Variants in MARK1 observed in about 807,000 individuals in gnomAD.
MARK1 encodes the protein microtubule affinity regulating kinase 1, also known as serine/threonine-protein kinase MARK1.
A neutral mutation model predicts 96.3 loss-of-function variants in MARK1; 40 were observed. The observed-to-expected ratio is 0.42, with a 90% CI of 0.32 to 0.54. The LOEUF (loss-of-function observed/expected upper bound fraction) is 0.54. Among genes scored for constraint, MARK1 ranks in the 20% least tolerant of loss-of-function variants. MARK1 has a pLI of 0.16. For missense variants in MARK1, 719 were observed against 984.6 expected (o/e 0.73, Z 3.61); for synonymous variants, 317 against 341.2 (o/e 0.93, Z 0.78).
chr1:220,532,985 G>A (rs1401711165), intron 1 of MARK1, among the ~76,000 whole-genome samples: 4 of 146,680 alleles, frequency 2.7e-5, no homozygotes, highest in South Asian at 2.3e-4. Flanking sequence ...ACTCCAGCCC[G>A]GGTGACAGAG....
intron 14 of MARK1, among the ~76,000 whole-genome samples, chr1:220,651,478 A>G (rs1668870239): frequency 6.6e-6 from 1 of 152,210 alleles, no homozygotes; most frequent in Non-Finnish European, 1.5e-5. Context: ...TTCCTATACT[A>G]AATTTTAATC....
chr1:220,650,795 C>T, intron 14 of MARK1, 75 bp downstream of exon 14: 1 of 1,001,704 alleles, frequency 1.0e-6, no homozygotes, highest in Non-Finnish European at 1.6e-6. Flanking sequence ...ATGCCTGCAG[C>T]CGAATGGGTC....
intron 3 of MARK1, among the ~76,000 whole-genome samples, chr1:220,596,728 A>C (rs953919708): frequency 1.3e-5 from 2 of 152,154 alleles, no homozygotes; most frequent in African/African-American, 4.8e-5. Context: ...AAAACTTACC[A>C]TTTTAACCAT....
intron 9 of MARK1, chr1:220,627,433 G>T: frequency 2.1e-6 from 1 of 476,136 alleles, no homozygotes; most frequent in Middle Eastern, 4.0e-4. Context: ...TCAAGGAGGA[G>T]GTCAGGTTGG....
Position 220,662,110 on chromosome 1 carries a change from A to G in MARK1, c.2332A>G (p.Thr778Ala). Residue 778 changes from threonine (T) to alanine (A), a missense_variant, in exon 18 of 18, where the codon ACA becomes GCA. Physicochemically the swap from Thr to Ala is moderately conservative, Grantham distance 58 (BLOSUM62 0). Around this residue, in one of 4 missense-constraint regions of MARK1, gnomAD observed 17 missense variants for 49.7 expected, o/e 0.34. Coordinates refer to ENST00000366917, the MANE Select transcript of MARK1 (RefSeq NM_018650.5). ...NGVRFKRISGTSIAFKNIASK... is the reference protein window; with the variant it reads ...NGVRFKRISGASIAFKNIASK... ...GGTTCGCTTCAAGCGAATATCTGGGACATCTATTGCCTTTAAGAACATTGC... is the reference window on the plus strand; with the variant it reads ...GGTTCGCTTCAAGCGAATATCTGGGGCATCTATTGCCTTTAAGAACATTGC... The G allele has an allele frequency of 6.2e-7, 1 of 1,614,122 alleles. No individual in the cohort carries two copies. Among genetic ancestry groups the G allele is most frequent in the Non-Finnish European group, 8.5e-7 (1 of 1,180,032 alleles).
At chr1:220,622,082 G>GT (rs1276681116) in intron 9 of MARK1, among the ~76,000 whole-genome samples, 1 of 152,102 alleles carries the variant, frequency 6.6e-6, no homozygotes, top group African/African-American at 2.4e-5. Flanking sequence ...ACTTCCATGT[G>GT]TTATACTGTC....
intron 9 of MARK1, chr1:220,626,984 G>A (rs1360149724): frequency 1.9e-6 from 1 of 522,334 alleles, no homozygotes; most frequent in Admixed American, 2.1e-5. Flanking sequence ...GATCCCTAAT[G>A]AGCTTCCATA....
intron 1 of MARK1, among the ~76,000 whole-genome samples, chr1:220,566,587 A>T (rs750454701): frequency 6.6e-5 from 10 of 152,316 alleles, no homozygotes; most frequent in South Asian, 4.1e-4. Context: ...GCTTGCCAGG[A>T]TCAGTAAATG....
intron 3 of MARK1, among the ~76,000 whole-genome samples, chr1:220,587,277 T>C (rs986404694): frequency 4.6e-5 from 7 of 150,618 alleles, no homozygotes; most frequent in African/African-American, 1.2e-4. Context: ...TCCTTCCTTC[T>C]TTCCTTCCTT....
At chr1:220,582,616 G>T (rs1290753484) in intron 3 of MARK1, among the ~76,000 whole-genome samples, 5 of 152,114 alleles carry the variant, frequency 3.3e-5, no homozygotes, top group African/African-American at 1.2e-4. Context: ...AACTACTCAG[G>T]CCTGTTGTGC....
chr1:220,615,577 C>T (rs549815324), intron 6 of MARK1, among the ~76,000 whole-genome samples: 1 of 152,212 alleles, frequency 6.6e-6, no homozygotes, highest in Non-Finnish European at 1.5e-5. Flanking sequence ...AATACTAATT[C>T]ATGTGTGCCA....
At chr1:220,603,316 G>A (rs1665867825) in intron 5 of MARK1, among the ~76,000 whole-genome samples, 1 of 151,966 alleles carries the variant, frequency 6.6e-6, no homozygotes. Flanking sequence ...GACATGTAAA[G>A]TAATGGATCC....
chr1:220,585,984 T>C (rs1245940600), intron 3 of MARK1, among the ~76,000 whole-genome samples: 3 of 52,894 alleles, frequency 5.7e-5, no homozygotes, highest in East Asian at 1.2e-3. Flanking sequence ...TACATACGTA[T>C]ACACACACAC....
intron 1 of MARK1, among the ~76,000 whole-genome samples, chr1:220,537,674 A>G (rs1261247767): frequency 6.9e-6 from 1 of 144,820 alleles, no homozygotes; most frequent in Non-Finnish European, 1.5e-5. Context: ...TGACTTCCAC[A>G]ATGGTTGAAC....
intron 11 of MARK1, among the ~76,000 whole-genome samples, 191 bp from the exon 12 acceptor site, chr1:220,635,185 G>A (rs998575270): frequency 6.6e-6 from 1 of 152,038 alleles, no homozygotes; most frequent in Non-Finnish European, 1.5e-5. Flanking sequence ...TCACTAAAGC[G>A]TATTCTATCC....
chr1:220,560,092 C>A (rs1662560336), intron 1 of MARK1, among the ~76,000 whole-genome samples: 1 of 152,072 alleles, frequency 6.6e-6, no homozygotes, highest in South Asian at 2.1e-4. Flanking sequence ...GAGAAAGAGC[C>A]AAGCGAAAGG....
intron 5 of MARK1, among the ~76,000 whole-genome samples, chr1:220,600,280 G>A (rs1665652397): frequency 6.6e-6 from 1 of 152,094 alleles, no homozygotes; most frequent in African/African-American, 2.4e-5. Flanking sequence ...GTTCACATAT[G>A]ACAGATTCTC....
chr1:220,602,050 GGAA>G (rs1396055784), intron 5 of MARK1, among the ~76,000 whole-genome samples: 2 of 152,058 alleles, frequency 1.3e-5, no homozygotes, highest in African/African-American at 4.8e-5. Context: ...AGGTGACTCT[GGAA>G]AATAAAACAC....
At chr1:220,592,535 T>C (rs929051374) in intron 3 of MARK1, among the ~76,000 whole-genome samples, 2 of 152,046 alleles carry the variant, frequency 1.3e-5, no homozygotes, top group African/African-American at 4.8e-5. Flanking sequence ...GGACAACACG[T>C]TGATTGCAGC....
Sources: gnomAD v4.1 joint callset for allele counts (sites outside exome capture counted in the v4.1 genomes callset) on GRCh38, gnomAD v4.1.1 for gene constraint, gnomAD v4.1.1 regional missense constraint, MANE v1.5 for transcripts, NCBI Gene and HGNC (gene_info 2026-07-23, HGNC 2026-07-21) for gene names.